The following MAST2 variants were observed in gnomAD, a reference collection of about 807,000 sequenced individuals.
MAST2 encodes the protein microtubule-associated serine/threonine-protein kinase 2.
Under a neutral mutation model 147.4 loss-of-function variants are expected in MAST2, and 70 were observed. The ratio of observed to expected loss-of-function variants is 0.47; its 90% CI spans 0.39 to 0.58. The LOEUF (loss-of-function observed/expected upper bound fraction) is 0.58, where lower values mean the gene tolerates loss of function less well. Ranked by LOEUF, MAST2 falls within the 20% of genes least tolerant of loss-of-function variation. The probability of loss-of-function intolerance (pLI) is 0.00; values close to 1 mark genes in which losing one functional copy is unlikely to be tolerated. For synonymous variants in MAST2, 869 were observed against 896.8 expected, an observed-to-expected ratio of 0.97 and a Z score of 0.55; for missense variants, 2,080 against 2,302.3, an observed-to-expected ratio of 0.90 and a Z score of 1.98.
In MAST2 at chr1:45,811,759, G is replaced by A. The variant is rs1644309008; in HGVS notation, c.177+7687G>A. ...CGCCGTTCTCCTGCCTCAGCCTCCC[G>A]AATAGCTGGGACTACAGGCGCCCGC... On this transcript the variant is annotated intron_variant, in intron 1 of 28. Transcript: ENST00000361297. Among the ~76,000 whole-genome samples, 3 of 147,756 alleles carry A rather than the reference G, an allele frequency of 2.0e-5. No individual in the cohort carries two copies. In the South Asian group the frequency reaches 6.5e-4, roughly 32 times the overall value.
chr1:45,992,244 AAAGTT>A (rs1644882154), intron 5 of MAST2, among the ~76,000 whole-genome samples: 1 of 152,168 alleles, frequency 6.6e-6, no homozygotes, highest in African/African-American at 2.4e-5. Flanking sequence ...TTTTATCAAA[AAAGTT>A]TTAAATGGGT....
At chr1:46,030,576 C>T (rs747345224) in intron 21 of MAST2, 31 bp from the exon 22 acceptor site, 2 of 1,573,682 alleles carry the variant, frequency 1.3e-6, no homozygotes, top group Non-Finnish European at 1.7e-6. Context: ...GCTGCCAGAG[C>T]CCATCCCCAG....
intron 5 of MAST2, among the ~76,000 whole-genome samples, chr1:45,983,015 A>T (rs915065631): frequency 6.6e-6 from 1 of 152,170 alleles, no homozygotes; most frequent in Admixed American, 6.5e-5. Context: ...GGAATTCATC[A>T]TTACTTCCCC....
At chr1:45,913,287 A>G (rs1651954937) in intron 4 of MAST2, among the ~76,000 whole-genome samples, 1 of 152,226 alleles carries the variant, frequency 6.6e-6, no homozygotes, top group South Asian at 2.1e-4. Flanking sequence ...AAACGCCCAC[A>G]TAGTCTTCGC....
At chr1:46,022,822 C>T (rs1646243807) in intron 12 of MAST2, 88 bp from the exon 13 acceptor site, 1 of 952,886 alleles carries the variant, frequency 1.0e-6, no homozygotes, top group Non-Finnish European at 1.7e-6. Flanking sequence ...TAATGACTAC[C>T]CTACATGCAC....
chr1:45,995,899 A>G (rs968965536), intron 5 of MAST2, among the ~76,000 whole-genome samples: 1 of 152,192 alleles, frequency 6.6e-6, no homozygotes, highest in Non-Finnish European at 1.5e-5. Flanking sequence ...GGCAGTGAAC[A>G]TATGTACCTT....
intron 3 of MAST2, among the ~76,000 whole-genome samples, chr1:45,865,724 GA>G (rs1646126512): frequency 6.6e-6 from 1 of 152,172 alleles, no homozygotes; most frequent in African/African-American, 2.4e-5. Context: ...AACAGTGAAT[GA>G]AAATAGACTG....
In MAST2 at chr1:45,803,648, C is replaced by T. The variant is rs552873077; in HGVS notation, c.-248C>T. ...GCTGAGCCGGCGGCGGGTGGCCTGCCCAACGTGTGCTGGGTGGGAGAAGGC... is the reference window on the plus strand; with the variant it reads ...GCTGAGCCGGCGGCGGGTGGCCTGCTCAACGTGTGCTGGGTGGGAGAAGGC... On this transcript the variant is annotated 5_prime_UTR_variant, in exon 1 of 29. Transcript: ENST00000361297. 3 of 280,112 alleles carry T rather than the reference C, an allele frequency of 1.1e-5. No homozygotes were observed. Among genetic ancestry groups the T allele is most frequent in the South Asian group, 1.7e-4 (1 of 6,058 alleles). 17.4% of individuals were successfully genotyped at this position (280,112 alleles called of 1,614,324 possible). A position where few individuals can be genotyped will look rare whatever the true frequency, so the allele number is the denominator to read the frequency against.
intron 3 of MAST2, among the ~76,000 whole-genome samples, chr1:45,844,292 TTTTA>T (rs1164179915): frequency 6.6e-6 from 1 of 151,926 alleles, no homozygotes; most frequent in Non-Finnish European, 1.5e-5. Context: ...ATTTTTAAAC[TTTTA>T]TTTATTTATT....
Position 46,030,703 on chromosome 1 carries a change from GA to G in MAST2, c.2651del (p.Asp884ValfsTer14). On this transcript the variant is annotated frameshift_variant, in exon 22 of 29. Transcript: ENST00000361297. LOFTEE classifies it high-confidence loss of function. ...GAGTGAGGAGAAGGAGGACCATTCA[GA>G]TGGCCTGGCAGGGCTCAAAGGCCGA... ...SLSEEKEDHS[D>X]GLAGLKGRDR... 1 of 1,606,646 alleles carries G rather than the reference GA, an allele frequency of 6.2e-7. No homozygotes were observed. Among genetic ancestry groups the G allele is most frequent in the Non-Finnish European group, 8.5e-7 (1 of 1,177,656 alleles).
At chr1:45,858,433 A>G (rs1187375901) in intron 3 of MAST2, among the ~76,000 whole-genome samples, 1 of 151,976 alleles carries the variant, frequency 6.6e-6, no homozygotes, top group East Asian at 1.9e-4. Flanking sequence ...GTCTGTTCAT[A>G]TCCTTTGCCC....
intron 9 of MAST2, among the ~76,000 whole-genome samples, chr1:46,010,057 C>T (rs988889944): frequency 1.6e-4 from 25 of 152,308 alleles, no homozygotes; most frequent in Admixed American, 4.6e-4. Context: ...TCCACAGTCC[C>T]CCCATTCCAA....
chr1:45,880,170 T>A (rs546711355), intron 3 of MAST2, among the ~76,000 whole-genome samples: 1 of 152,346 alleles, frequency 6.6e-6, no homozygotes, highest in African/African-American at 2.4e-5. Flanking sequence ...ATAGGAATGT[T>A]AATAGCTGAA....
At chr1:46,029,808 G>A in intron 19 of MAST2, 23 bp from the exon 20 acceptor site, 2 of 1,613,098 alleles carry the variant, frequency 1.2e-6, no homozygotes, top group Non-Finnish European at 1.7e-6. Flanking sequence ...CTACCCCCTT[G>A]CCCATGTCCT....
Position 46,006,392 on chromosome 1 carries a change from T to C in MAST2, c.899T>C (p.Leu300Pro), listed in dbSNP as rs185021358. The C allele has an allele frequency of 6.2e-7, 1 of 1,611,956 alleles. No individual in the cohort carries two copies. The highest frequency in any genetic ancestry group is 8.5e-7 in the Non-Finnish European group (1 of 1,178,744). Reference sequence around the variant, plus strand: ...GCCATGCGGCCTCGCTCCCGGAGCCTCAGGTGAGGGTGCTCTCTGCCCACT... The same window carrying C: ...GCCATGCGGCCTCGCTCCCGGAGCCCCAGGTGAGGGTGCTCTCTGCCCACT... ...SPAMRPRSRSLSPGRSPVSFD... is the reference protein window; with the variant it reads ...SPAMRPRSRSPSPGRSPVSFD... The change falls in exon 8 of 29, where the codon CTC becomes CCC. Residue 300 changes from leucine to proline, a missense_variant. Leu to Pro is a moderately conservative substitution (Grantham distance 98). Transcript: ENST00000361297.
At chr1:45,853,629 C>T (rs1457130803) in intron 3 of MAST2, among the ~76,000 whole-genome samples, 1 of 152,170 alleles carries the variant, frequency 6.6e-6, no homozygotes, top group Non-Finnish European at 1.5e-5. Context: ...GGTGGGATTA[C>T]AGGCGTGAGC....
chr1:45,900,366 C>G (rs1179695769), intron 4 of MAST2, among the ~76,000 whole-genome samples: 1 of 150,940 alleles, frequency 6.6e-6, no homozygotes, highest in Non-Finnish European at 1.5e-5. Context: ...CAACATCTGT[C>G]ATTTTCCATT....
At chr1:46,011,073 CT>C (rs201440553) in intron 10 of MAST2, 134 bp downstream of exon 10, 3 of 719,618 alleles carry the variant, frequency 4.2e-6, no homozygotes, top group Non-Finnish European at 6.8e-6. Flanking sequence ...AAAGGTAGAG[CT>C]GAGGGACTTA....
chr1:46,027,575 G>A (rs191462035), intron 16 of MAST2, among the ~76,000 whole-genome samples, 156 bp from the exon 17 acceptor site: 139 of 152,296 alleles, frequency 9.1e-4, no homozygotes, highest in Non-Finnish European at 1.2e-3. Context: ...AGCGATTTAC[G>A]TGTCCACACC....
Sources: allele counts gnomAD v4.1 joint callset (sites outside exome capture counted in the v4.1 genomes callset), GRCh38; gene constraint gnomAD v4.1.1; transcripts MANE v1.5; gene names NCBI Gene and HGNC (gene_info 2026-07-23, HGNC 2026-07-21).